The following KCNIP4 variants were observed in gnomAD, a reference collection of about 807,000 sequenced individuals.
KCNIP4 encodes the protein Kv channel-interacting protein 4.
KCNIP4 carries 12 observed loss-of-function variants against 34.0 expected under a neutral mutation model. The ratio of observed to expected loss-of-function variants is 0.35; its 90% CI spans 0.23 to 0.57. The LOEUF is 0.57. KCNIP4 is among the 20% of genes least tolerant of loss of function. KCNIP4 has a pLI of 0.83. For missense variants in KCNIP4, 238 were observed against 311.7 expected (o/e 0.76, Z 1.78); for synonymous variants, 124 against 102.2 (o/e 1.21, Z -1.29).
chr4:20,822,958 T>G lies in KCNIP4; in HGVS notation c.288+27585A>C, dbSNP rs1047870309. ...TCTACCATGGGATGACACATAATTTTTCCCCTCCGGAGGATGCAGCAACAA... is the reference window on the plus strand; with the variant it reads ...TCTACCATGGGATGACACATAATTTGTCCCCTCCGGAGGATGCAGCAACAA... On this transcript the variant is annotated intron_variant, in intron 3 of 8. Coordinates refer to ENST00000382152, the MANE Select transcript of KCNIP4 (RefSeq NM_025221.6). 6.6e-5 allele frequency among the ~76,000 whole-genome samples: 10 copies of G among 152,062 alleles called. No individual in the cohort carries two copies. In the East Asian group the frequency reaches 7.8e-4, roughly 12 times the overall value.
At chr4:20,847,203 C>A (rs1036790781) in intron 3 of KCNIP4, among the ~76,000 whole-genome samples, 1 of 152,086 alleles carries the variant, frequency 6.6e-6, no homozygotes, top group Non-Finnish European at 1.5e-5. Context: ...AAAGTGCAAT[C>A]TAGTTATCAT....
At chr4:21,688,378 C>G (rs902713453) in intron 1 of KCNIP4, among the ~76,000 whole-genome samples, 1 of 152,036 alleles carries the variant, frequency 6.6e-6, no homozygotes, top group Non-Finnish European at 1.5e-5. Flanking sequence ...GTCCAAAAAC[C>G]AAAACACTGC....
chr4:21,188,535 G>C (rs1449644859), intron 1 of KCNIP4, among the ~76,000 whole-genome samples: 1 of 152,150 alleles, frequency 6.6e-6, no homozygotes, highest in East Asian at 1.9e-4. Flanking sequence ...GCTACATGTA[G>C]AGAATTGCTA....
intron 1 of KCNIP4, among the ~76,000 whole-genome samples, chr4:21,869,477 T>C (rs1725631067): frequency 1.3e-5 from 2 of 152,252 alleles, no homozygotes; most frequent in Middle Eastern, 3.4e-3. Context: ...TTCATTCTCC[T>C]CCTAGGTCTC....
intron 1 of KCNIP4, among the ~76,000 whole-genome samples, chr4:21,023,717 C>T (rs972055956): frequency 6.6e-6 from 1 of 151,842 alleles, no homozygotes; most frequent in Non-Finnish European, 1.5e-5. Context: ...CCTATCTCTA[C>T]AAAAAAATTA....
At chr4:21,731,551 C>A (rs1254850874) in intron 1 of KCNIP4, among the ~76,000 whole-genome samples, 1 of 151,934 alleles carries the variant, frequency 6.6e-6, no homozygotes, top group African/African-American at 2.4e-5. Context: ...CATTTACATC[C>A]CCAAGTTATT....
chr4:20,774,343 GT>G (rs1756184038), intron 3 of KCNIP4, among the ~76,000 whole-genome samples: 3 of 151,974 alleles, frequency 2.0e-5, no homozygotes, highest in Admixed American at 6.5e-5. Flanking sequence ...ATTACTCTCA[GT>G]TTTGTAGCTT....
chr4:21,615,357 G>A (rs1429257427), intron 1 of KCNIP4, among the ~76,000 whole-genome samples: 4 of 150,538 alleles, frequency 2.7e-5, no homozygotes, highest in Non-Finnish European at 4.4e-5. Flanking sequence ...TGGCTAACAC[G>A]GTGAAACCCC....
At chr4:21,171,277 A>G (rs1754004129) in intron 1 of KCNIP4, among the ~76,000 whole-genome samples, 1 of 152,190 alleles carries the variant, frequency 6.6e-6, no homozygotes, top group Non-Finnish European at 1.5e-5. Context: ...ATACTTCCCT[A>G]AAACAACTGT....
intron 1 of KCNIP4, among the ~76,000 whole-genome samples, chr4:21,587,721 C>G (rs916748888): frequency 3.9e-5 from 6 of 152,120 alleles, no homozygotes; most frequent in Non-Finnish European, 2.9e-5. Context: ...CCAAGAGAAC[C>G]ATTGTGTTTG....
intron 1 of KCNIP4, among the ~76,000 whole-genome samples, chr4:20,908,801 A>G (rs1728051216): frequency 6.6e-6 from 1 of 152,228 alleles, no homozygotes; most frequent in African/African-American, 2.4e-5. Context: ...GTTTCCTCAC[A>G]GACAGAGCAA....
intron 1 of KCNIP4, among the ~76,000 whole-genome samples, chr4:21,470,934 C>T (rs2109804743): frequency 6.6e-6 from 1 of 152,232 alleles, no homozygotes; most frequent in East Asian, 1.9e-4. Flanking sequence ...GGCATTAATG[C>T]TTTAGGTAGA....
At chr4:21,623,816 T>C (rs1335600607) in intron 1 of KCNIP4, among the ~76,000 whole-genome samples, 3 of 152,208 alleles carry the variant, frequency 2.0e-5, no homozygotes, top group African/African-American at 7.2e-5. Context: ...CTTAGGAAGC[T>C]ACAGTTTTCA....
intron 1 of KCNIP4, among the ~76,000 whole-genome samples, chr4:21,500,563 G>T (rs1460483): frequency 0.02 from 2,974 of 152,212 alleles, 97 homozygotes; most frequent in East Asian, 0.12. Context: ...GTAAGTAAAA[G>T]TCATTGCGTT....
intron 1 of KCNIP4, among the ~76,000 whole-genome samples, chr4:21,639,530 C>T (rs907064467): frequency 6.6e-6 from 1 of 151,384 alleles, no homozygotes; most frequent in South Asian, 2.1e-4. Context: ...CCTTCATTAA[C>T]TAGACGAAAT....
At chr4:20,799,551 C>T (rs1169633522) in intron 3 of KCNIP4, among the ~76,000 whole-genome samples, 4 of 152,196 alleles carry the variant, frequency 2.6e-5, no homozygotes, top group African/African-American at 9.7e-5. Context: ...CCCATCTGAG[C>T]TGGTGAGATG....
chr4:21,181,456 T>C (rs1319107800), intron 1 of KCNIP4, among the ~76,000 whole-genome samples: 2 of 152,072 alleles, frequency 1.3e-5, no homozygotes, highest in South Asian at 4.1e-4. Context: ...TAGGTGGGAG[T>C]ATCACATGGA....
chr4:21,850,688 T>C (rs1724323071), intron 1 of KCNIP4: 1 of 152,180 alleles, frequency 6.6e-6, no homozygotes, highest in Non-Finnish European at 1.5e-5. Context: ...TTACATGATT[T>C]TTTTTCAGTT....
At chr4:20,816,926 T>C (rs1716463286) in intron 3 of KCNIP4, among the ~76,000 whole-genome samples, 2 of 152,212 alleles carry the variant, frequency 1.3e-5, no homozygotes, top group Non-Finnish European at 2.9e-5. Context: ...ATTGTCTAAA[T>C]ACTTTTATAC....
Sources: allele counts gnomAD v4.1 joint callset (sites outside exome capture counted in the v4.1 genomes callset), GRCh38; gene constraint gnomAD v4.1.1; transcripts MANE v1.5; gene names NCBI Gene and HGNC (gene_info 2026-07-23, HGNC 2026-07-21).